The following DMC1 variants were observed in gnomAD, a reference collection of about 807,000 sequenced individuals.
DMC1 encodes meiotic recombination protein DMC1 homolog.
A neutral mutation model predicts 50.1 loss-of-function variants in DMC1; 27 were observed. The observed-to-expected ratio is 0.54, with a 90% confidence interval of 0.40 to 0.74. DMC1 has a LOEUF of 0.74. Among genes scored for constraint, DMC1 ranks in the 30% least tolerant of loss-of-function variants. The pLI is 0.00. For missense variants in DMC1, 295 were observed against 420.2 expected, an observed-to-expected ratio of 0.70 and a Z score of 2.60; for synonymous variants, 148 against 136.1, an observed-to-expected ratio of 1.09 and a Z score of -0.61.
At chr22:38,567,687 T>G in intron 2 of DMC1, 60 bp from the exon 3 acceptor site, 3 of 1,286,692 alleles carry the variant, frequency 2.3e-6, no homozygotes, top group Non-Finnish European at 2.3e-6. Flanking sequence ...CTATTTCACA[T>G]CTTTTAAAGA....
chr22:38,544,273 G>A (rs1350747673), intron 8 of DMC1, among the ~76,000 whole-genome samples: 1 of 152,204 alleles, frequency 6.6e-6, no homozygotes, highest in Non-Finnish European at 1.5e-5. Context: ...AACTGCTTAT[G>A]GCAAACCTGC....
chr22:38,538,418 G>A lies in DMC1; in HGVS notation c.661-9C>T, dbSNP rs773347078. ...ATTATTGAATCGATAATCTACACAG[G>A]ATTAATGTAAAAATAAACATGCATT... On this transcript the variant is annotated splice_polypyrimidine_tract_variant and intron_variant, in intron 10 of 13. Transcript: ENST00000216024. 18 of 1,612,836 alleles carry A rather than the reference G, an allele frequency of 1.1e-5. No homozygotes were observed. In the South Asian group the frequency reaches 1.4e-4, roughly 13 times the overall value.
At chr22:38,525,326 A>G (rs1252626343) in intron 12 of DMC1, among the ~76,000 whole-genome samples, 1 of 152,200 alleles carries the variant, frequency 6.6e-6, no homozygotes, top group Non-Finnish European at 1.5e-5. Flanking sequence ...ACTTTTGAAG[A>G]GTGTTCTGAC....
At chr22:38,546,326 T>C (rs1322832804) in intron 8 of DMC1, among the ~76,000 whole-genome samples, 3 of 151,496 alleles carry the variant, frequency 2.0e-5, no homozygotes, top group Non-Finnish European at 4.4e-5. Flanking sequence ...GAGATGGAGG[T>C]TGTAGTGAGC....
At chr22:38,568,062 G>T in intron 2 of DMC1, 144 bp downstream of exon 2, 1 of 765,464 alleles carries the variant, frequency 1.3e-6, no homozygotes. Context: ...TAGCATCCTT[G>T]CCAAACAAGT....
the DMC1 span, among the ~76,000 whole-genome samples, chr22:38,512,093 A>T: frequency 6.6e-6 from 1 of 150,954 alleles, no homozygotes; most frequent in Non-Finnish European, 1.5e-5. Context: ...ACCCGCCTCA[A>T]CCTCCTGAGT....
At chr22:38,539,097 C>CA (rs1402542378) in intron 9 of DMC1, among the ~76,000 whole-genome samples, 1 of 151,598 alleles carries the variant, frequency 6.6e-6, no homozygotes, top group African/African-American at 2.4e-5. Context: ...CTACATTATC[C>CA]AAAAAGAATG....
chr22:38,567,571 A>T lies in DMC1; in HGVS notation c.96+12T>A. On this transcript the variant is annotated intron_variant, in intron 3 of 13. Coordinates refer to ENST00000216024, the MANE Select transcript of DMC1 (RefSeq NM_007068.4). ...ATCAGACAATTTAACACAGCATTGA[A>T]AAACTACTTACAATTCCATGTTTCT... The T allele has an allele frequency of 6.3e-7, 1 of 1,598,446 alleles. No individual in the cohort carries two copies. Among genetic ancestry groups the T allele is most frequent in the East Asian group, 2.2e-5 (1 of 44,810 alleles).
intron 12 of DMC1, among the ~76,000 whole-genome samples, chr22:38,523,816 A>G (rs1444640246): frequency 6.6e-6 from 1 of 152,208 alleles, no homozygotes; most frequent in Non-Finnish European, 1.5e-5. Context: ...TGCTACAACA[A>G]TTCCAAGGGG....
At chr22:38,537,470 C>T (rs992687578) in intron 12 of DMC1, 122 bp downstream of exon 12, 165 of 874,750 alleles carry the variant, frequency 1.9e-4, no homozygotes, top group Non-Finnish European at 2.9e-4. Flanking sequence ...CCTCAGCCTG[C>T]TAAAGTGCTG....
rs764033777 is a variant in DMC1 at position 38,521,670 on chromosome 22, T to C, written c.891A>G (p.Ser297=). 1 of 1,613,990 alleles carries C rather than the reference T, an allele frequency of 6.2e-7. No individual in the cohort carries two copies. Among genetic ancestry groups the C allele is most frequent in the Non-Finnish European group, 8.5e-7 (1 of 1,179,966 alleles). ...CCTTTCGCAAGCTTATTCTTGTTGT[T>C]GAAGCATGAGCCAGAATGTGTCCCC... ...PIGGHILAHA[S]TTRISLRKGR... is the part of the protein sequence containing the mutation. Residue 297 remains serine, a synonymous_variant, in exon 13 of 14, where the codon TCA becomes TCG. Transcript: ENST00000216024.
intron 5 of DMC1, 141 bp from the exon 6 acceptor site, chr22:38,555,550 T>TG: frequency 1.6e-6 from 1 of 613,738 alleles, no homozygotes; most frequent in Non-Finnish European, 3.0e-6. Context: ...CTACAGAACA[T>TG]GAACAGCAAT....
chr22:38,549,871 G>T, intron 8 of DMC1, 54 bp downstream of exon 8: 1 of 1,336,292 alleles, frequency 7.5e-7, no homozygotes, highest in Non-Finnish European at 1.1e-6. Flanking sequence ...ACTCTTCAGT[G>T]GTAACATTCC....
intron 12 of DMC1, among the ~76,000 whole-genome samples, chr22:38,534,306 A>G (rs2090186814): frequency 6.6e-6 from 1 of 152,216 alleles, no homozygotes; most frequent in African/African-American, 2.4e-5. Context: ...GAACATCATT[A>G]TTCTTAGAAG....
downstream of DMC1, among the ~76,000 whole-genome samples, chr22:38,514,324 A>C (rs2145738055): frequency 7.0e-6 from 1 of 142,854 alleles, no homozygotes; most frequent in South Asian, 2.2e-4. Context: ...TGCTCACTGC[A>C]ACCTCCACCT....
intron 4 of DMC1, among the ~76,000 whole-genome samples, chr22:38,566,292 G>T (rs1345649155): frequency 1.3e-5 from 2 of 149,932 alleles, no homozygotes; most frequent in Non-Finnish European, 3.0e-5. Flanking sequence ...AAAAAAAAAG[G>T]AAAGGAGAAG....
intron 9 of DMC1, 113 bp downstream of exon 9, chr22:38,539,203 ATTAAT>A (rs2090252367): frequency 1.3e-6 from 1 of 750,980 alleles, no homozygotes; most frequent in South Asian, 1.5e-5. Context: ...GACTGAGTAA[ATTAAT>A]TTAGAGAAAA....
intron 10 of DMC1, 62 bp from the exon 11 acceptor site, chr22:38,538,471 A>C: frequency 6.2e-7 from 1 of 1,601,334 alleles, no homozygotes. Flanking sequence ...CGTTATTTGA[A>C]TAGAGATCAA....
At position 38,570,146 on chromosome 22, in the gene DMC1, G is replaced by C. The variant is rs933387631; in HGVS notation, c.-137C>G. On this transcript the variant is annotated 5_prime_UTR_variant, in exon 1 of 14. Transcript: ENST00000216024. ...TTCTAACTCGGGCCTAGAACACGGA[G>C]CCTGGAGACCCGCGCGCCGTTGACC... is the stretch of plus-strand genomic sequence containing the variant. 12 of 152,218 alleles carry C rather than the reference G, an allele frequency of 7.9e-5. No homozygotes were observed. Among genetic ancestry groups the C allele is most frequent in the African/African-American group, 2.7e-4 (11 of 41,432 alleles). The allele number at this position is 152,218 out of a possible 1,614,324, so 9.4% of individuals were successfully genotyped here.
Sources: gnomAD v4.1 joint callset for allele counts (sites outside exome capture counted in the v4.1 genomes callset) on GRCh38, gnomAD v4.1.1 for gene constraint, MANE v1.5 for transcripts, NCBI Gene and HGNC (gene_info 2026-07-23, HGNC 2026-07-21) for gene names.